Variants in CDKAL1 observed in about 807,000 individuals in gnomAD.
CDKAL1 encodes the protein threonylcarbamoyladenosine tRNA methylthiotransferase.
CDKAL1 carries 32 observed loss-of-function variants against 68.2 expected under a neutral mutation model. The observed-to-expected ratio is 0.47, with a 90% CI of 0.35 to 0.63. The LOEUF (loss-of-function observed/expected upper bound fraction) is 0.63. CDKAL1 is among the 30% of genes least tolerant of loss of function. The pLI is 0.00. For synonymous variants in CDKAL1, 234 were observed against 244.3 expected (o/e 0.96, Z 0.39); for missense variants, 606 against 696.7 (o/e 0.87, Z 1.47).
chr6:20,788,715 G>A (rs1194607229), intron 8 of CDKAL1, among the ~76,000 whole-genome samples: 1 of 151,994 alleles, frequency 6.6e-6, no homozygotes, highest in East Asian at 1.9e-4. Flanking sequence ...CTACTCTACC[G>A]TCATTCTCTG....
intron 8 of CDKAL1, among the ~76,000 whole-genome samples, chr6:20,797,136 G>C (rs950254752): frequency 6.6e-6 from 1 of 152,134 alleles, no homozygotes; most frequent in East Asian, 1.9e-4. Context: ...ACACAGCATA[G>C]GACTTGTATC....
chr6:20,578,411 A>G (rs1361053089), intron 4 of CDKAL1, among the ~76,000 whole-genome samples: 1 of 152,136 alleles, frequency 6.6e-6, no homozygotes, highest in Non-Finnish European at 1.5e-5. Context: ...CTTGGGAGTC[A>G]TATGAATGGA....
chr6:21,191,364 G>C (rs894523907), intron 13 of CDKAL1, among the ~76,000 whole-genome samples: 7 of 152,168 alleles, frequency 4.6e-5, no homozygotes, highest in African/African-American at 1.7e-4. Flanking sequence ...TCAGGCACTT[G>C]GGAAATTTAA....
At chr6:20,992,876 T>G (rs1159913380) in intron 10 of CDKAL1, among the ~76,000 whole-genome samples, 1 of 146,374 alleles carries the variant, frequency 6.8e-6, no homozygotes, top group East Asian at 2.0e-4. Flanking sequence ...CACTCCAGCC[T>G]GGGCAACAGA....
At chr6:20,666,482 G>T (rs1769548936) in intron 5 of CDKAL1, among the ~76,000 whole-genome samples, 1 of 152,030 alleles carries the variant, frequency 6.6e-6, no homozygotes, top group Non-Finnish European at 1.5e-5. Context: ...ATACCTGTTT[G>T]CTAGGATAGG....
intron 4 of CDKAL1, among the ~76,000 whole-genome samples, chr6:20,583,693 T>C (rs1765226634): frequency 6.6e-6 from 1 of 151,998 alleles, no homozygotes; most frequent in South Asian, 2.1e-4. Flanking sequence ...CTAAGAGTCT[T>C]AGCTATAGGA....
chr6:20,893,765 G>A (rs765668488), intron 9 of CDKAL1, among the ~76,000 whole-genome samples: 22 of 152,116 alleles, frequency 1.4e-4, no homozygotes, highest in Non-Finnish European at 1.8e-4. Context: ...ATAGAGTTGT[G>A]ATAAGGATAA....
rs533381556 is a variant in CDKAL1 at position 20,755,952 on chromosome 6, G to C, written c.469-2643G>C. Among the ~76,000 whole-genome samples, 12 of 152,218 alleles carry C rather than the reference G, an allele frequency of 7.9e-5. No homozygotes were observed. In the South Asian group the frequency reaches 2.3e-3, roughly 29 times the overall value. ...CAGATGAACTTCTGGTTACTTTACT[G>C]AGAAAAATTGAGGGCAACAGGTGGG... On this transcript the variant is annotated intron_variant, in intron 6 of 15. Transcript: ENST00000274695.
chr6:20,839,944 AT>A (rs1220504461), intron 8 of CDKAL1, among the ~76,000 whole-genome samples: 1 of 152,230 alleles, frequency 6.6e-6, no homozygotes, highest in Non-Finnish European at 1.5e-5. Context: ...CAGATAGTAA[AT>A]AAGGAAGATA....
At chr6:20,556,019 A>G (rs537301551) in intron 4 of CDKAL1, among the ~76,000 whole-genome samples, 1 of 152,088 alleles carries the variant, frequency 6.6e-6, no homozygotes, top group Admixed American at 6.5e-5. Context: ...AGTCTATACC[A>G]CAGGAACATG....
chr6:20,777,362 T>C (rs1243903105), intron 7 of CDKAL1, among the ~76,000 whole-genome samples: 1 of 152,202 alleles, frequency 6.6e-6, no homozygotes, highest in African/African-American at 2.4e-5. Context: ...CTTTTAATTC[T>C]AGTATTTTGG....
chr6:21,080,087 T>C (rs1404043941), intron 12 of CDKAL1, among the ~76,000 whole-genome samples: 2 of 151,704 alleles, frequency 1.3e-5, no homozygotes, highest in East Asian at 3.9e-4. Context: ...TTTTTTTTTT[T>C]TTTCTTTGAA....
chr6:20,921,542 AC>A (rs1203756213), intron 9 of CDKAL1, among the ~76,000 whole-genome samples: 3 of 152,176 alleles, frequency 2.0e-5, no homozygotes, highest in Admixed American at 6.5e-5. Context: ...CAATTTTGTA[AC>A]CTAAGGTACT....
intron 12 of CDKAL1, among the ~76,000 whole-genome samples, chr6:21,090,958 C>A (rs1772979996): frequency 6.6e-6 from 1 of 152,062 alleles, no homozygotes; most frequent in African/African-American, 2.4e-5. Flanking sequence ...GCAAGCACCA[C>A]AATGCCTAGC....
intron 12 of CDKAL1, among the ~76,000 whole-genome samples, chr6:21,071,659 T>C (rs1771774637): frequency 6.6e-6 from 1 of 152,198 alleles, no homozygotes. Flanking sequence ...TTTTCTTTTT[T>C]TGAATGGTGG....
In CDKAL1 at chr6:20,962,396, T is replaced by G. The variant is rs544070550; in HGVS notation, c.909+6811T>G. 4.6e-5 allele frequency among the ~76,000 whole-genome samples: 7 copies of G among 152,328 alleles called. No individual in the cohort carries two copies. In the East Asian group the frequency reaches 1.3e-3, roughly 29 times the overall value. Reference sequence around the variant, plus strand: ...TCCTGCTACCCTAGATTTTTGTATGTTTACTTCTACTTCAATGACCTTATA... The same window carrying G: ...TCCTGCTACCCTAGATTTTTGTATGGTTACTTCTACTTCAATGACCTTATA... On this transcript the variant is annotated intron_variant, in intron 10 of 15. Transcript: ENST00000274695.
At chr6:20,999,684 A>G (rs532343996) in intron 10 of CDKAL1, among the ~76,000 whole-genome samples, 178 of 144,448 alleles carry the variant, frequency 1.2e-3, no homozygotes, top group South Asian at 3.2e-3. Context: ...AAAAAAAAAA[A>G]AAAGAAAGAA....
At chr6:20,971,898 G>A (rs760598221) in intron 10 of CDKAL1, among the ~76,000 whole-genome samples, 22 of 152,060 alleles carry the variant, frequency 1.4e-4, no homozygotes, top group Non-Finnish European at 2.9e-4. Flanking sequence ...TTTACTTGAT[G>A]TGACCTTGAA....
intron 11 of CDKAL1, among the ~76,000 whole-genome samples, chr6:21,016,714 C>G (rs1440569567): frequency 6.6e-6 from 1 of 151,960 alleles, no homozygotes; most frequent in Non-Finnish European, 1.5e-5. Context: ...ACAACCACAT[C>G]AGAAACTTTT....
Sources: gnomAD v4.1 joint callset for allele counts (sites outside exome capture counted in the v4.1 genomes callset) on GRCh38, gnomAD v4.1.1 for gene constraint, MANE v1.5 for transcripts, NCBI Gene and HGNC (gene_info 2026-07-23, HGNC 2026-07-21) for gene names.